RBFOX1: variants seen among roughly 807,000 people sequenced by gnomAD.
The protein encoded by RBFOX1 is RNA binding protein fox-1 homolog 1.
In RBFOX1, 8 loss-of-function variants were observed where a neutral mutation model predicts 57.7. The ratio of observed to expected loss-of-function variants is 0.14; its 90% CI spans 0.08 to 0.25. RBFOX1 has a LOEUF of 0.25. Among genes scored for constraint, RBFOX1 ranks in the 10% least tolerant of loss-of-function variants. The probability of loss-of-function intolerance (pLI) is 1.00; values close to 1 mark genes in which losing one functional copy is unlikely to be tolerated. For synonymous variants in RBFOX1, 326 were observed against 222.4 expected (o/e 1.47, Z -4.15); for missense variants, 611 against 548.5 (o/e 1.11, Z -1.14).
At chr16:5,513,228 A>G (rs1020952323) in intron 2 of RBFOX1, among the ~76,000 whole-genome samples, 5 of 152,112 alleles carry the variant, frequency 3.3e-5, no homozygotes, top group Admixed American at 2.0e-4. Context: ...CTTGTTTTTA[A>G]TGACCTTGAT....
At chr16:5,304,835 T>TC (rs1249937907) in intron 1 of RBFOX1, among the ~76,000 whole-genome samples, 1 of 151,020 alleles carries the variant, frequency 6.6e-6, no homozygotes, top group African/African-American at 2.4e-5. Flanking sequence ...ATAAAGTGAT[T>TC]TTTTTCCCCC....
intron 1 of RBFOX1, among the ~76,000 whole-genome samples, chr16:5,388,843 C>G (rs774885816): frequency 6.6e-6 from 1 of 151,534 alleles, no homozygotes; most frequent in African/African-American, 2.4e-5. Context: ...TCCCAAAGTG[C>G]TGGGATTACA....
intron 4 of RBFOX1, among the ~76,000 whole-genome samples, chr16:7,450,846 C>T (rs552549178): frequency 1.4e-4 from 21 of 152,080 alleles, no homozygotes; most frequent in African/African-American, 2.9e-4. Flanking sequence ...GGATGGCATG[C>T]GACGGGCCCA....
rs371584369 is a variant in RBFOX1, at chr16:5,771,964, G to C, written c.319-95339G>C. 2.0e-5 allele frequency among the ~76,000 whole-genome samples: 3 copies of C among 152,112 alleles called. No homozygotes were observed. In the East Asian group the frequency reaches 5.8e-4, roughly 29 times the overall value. On this transcript the variant is annotated intron_variant, in intron 3 of 19. Transcript: ENST00000641259. Reference sequence around the variant, plus strand: ...CGAGGGGGGTGGATCACGAGGTCAGGATTTTGAGACCAGCCTGACCAACAT... The same window carrying C: ...CGAGGGGGGTGGATCACGAGGTCAGCATTTTGAGACCAGCCTGACCAACAT...
chr16:5,527,810 G>T (rs1327418150), intron 2 of RBFOX1, among the ~76,000 whole-genome samples: 1 of 152,150 alleles, frequency 6.6e-6, no homozygotes, highest in South Asian at 2.1e-4. Flanking sequence ...ACCCATCATT[G>T]TGGACCTTTG....
chr16:6,995,467 A>T lies in RBFOX1; in HGVS notation c.-15-56590A>T, dbSNP rs59668769. ...CAAATAATCTTGCTGGTGGTGACAGAAGAGGAAGGCTTTGAAGAGGGGTGT... is the reference window on the plus strand; with the variant it reads ...CAAATAATCTTGCTGGTGGTGACAGTAGAGGAAGGCTTTGAAGAGGGGTGT... On this transcript the variant is annotated intron_variant, in intron 3 of 15. Coordinates refer to ENST00000550418, the MANE Select transcript of RBFOX1 (RefSeq NM_018723.4). Among the ~76,000 whole-genome samples, 22 of 152,218 alleles carry T rather than the reference A, an allele frequency of 1.4e-4. 1 individual carries two copies. In the East Asian group the frequency reaches 4.3e-3, roughly 30 times the overall value.
At chr16:5,643,957 C>T (rs1292773554) in intron 3 of RBFOX1, among the ~76,000 whole-genome samples, 1 of 152,192 alleles carries the variant, frequency 6.6e-6, no homozygotes, top group Non-Finnish European at 1.5e-5. Context: ...TAATTTCTTA[C>T]ATTTGTACCT....
At chr16:6,119,792 G>A (rs1215101819) in intron 1 of RBFOX1, among the ~76,000 whole-genome samples, 2 of 152,128 alleles carry the variant, frequency 1.3e-5, no homozygotes, top group Non-Finnish European at 2.9e-5. Flanking sequence ...AAGTCTCCAT[G>A]TCTGGCCCCA....
chr16:5,975,494 A>G (rs1245424897), intron 4 of RBFOX1, among the ~76,000 whole-genome samples: 1 of 152,222 alleles, frequency 6.6e-6, no homozygotes. Flanking sequence ...CTTATGGTTT[A>G]GTATTGCTTG....
At chr16:6,486,771 T>C (rs2095492420) in intron 2 of RBFOX1, among the ~76,000 whole-genome samples, 1 of 152,190 alleles carries the variant, frequency 6.6e-6, no homozygotes, top group Admixed American at 6.5e-5. Flanking sequence ...TTGCTCTTTT[T>C]GTTTTCTTTC....
intron 1 of RBFOX1, among the ~76,000 whole-genome samples, chr16:5,339,227 A>G (rs981284393): frequency 7.2e-5 from 11 of 151,994 alleles, no homozygotes; most frequent in African/African-American, 2.7e-4. Context: ...TGACTTCCTT[A>G]GATTCCACAT....
At chr16:7,078,863 CTTTTT>C (rs57410575) in intron 4 of RBFOX1, among the ~76,000 whole-genome samples, 5 of 52,738 alleles carry the variant, frequency 9.5e-5, no homozygotes, top group African/African-American at 3.1e-4. Flanking sequence ...ATATATATAC[CTTTTT>C]TTTTTTTTTT....
intron 4 of RBFOX1, among the ~76,000 whole-genome samples, chr16:5,903,947 C>T (rs549289700): frequency 4.6e-5 from 7 of 152,244 alleles, no homozygotes; most frequent in African/African-American, 1.4e-4. Context: ...GCACGTTTTC[C>T]TCTAAGCTGG....
At chr16:7,543,782 A>G (rs2083647914) in intron 5 of RBFOX1, among the ~76,000 whole-genome samples, 1 of 151,484 alleles carries the variant, frequency 6.6e-6, no homozygotes, top group Admixed American at 6.6e-5. Flanking sequence ...GTGCAGTGGC[A>G]CGATCTTGGC....
At chr16:6,671,811 G>A (rs933111719) in intron 3 of RBFOX1, among the ~76,000 whole-genome samples, 1 of 152,126 alleles carries the variant, frequency 6.6e-6, no homozygotes, top group Non-Finnish European at 1.5e-5. Context: ...TTTTTATGAC[G>A]GAGTAGTATT....
Position 7,296,741 on chromosome 16 carries a change from C to T in RBFOX1, c.28-221406C>T, listed in dbSNP as rs537159638. Among the ~76,000 whole-genome samples the T allele has an allele frequency of 2.4e-3, 365 of 152,246 alleles. 1 individual carries two copies. The highest frequency in any genetic ancestry group is 3.8e-3 in the Non-Finnish European group (261 of 68,016). ...TGCAACCGTTTTCAGAGTCCCAGGA[C>T]TCTGGGCCTTTCTTTCGGGTGCAGA... On this transcript the variant is annotated intron_variant, in intron 4 of 15. Coordinates refer to ENST00000550418, the MANE Select transcript of RBFOX1 (RefSeq NM_018723.4).
intron 3 of RBFOX1, among the ~76,000 whole-genome samples, chr16:6,682,870 TA>T (rs33948007): frequency 0.042 from 4,852 of 115,736 alleles, 267 homozygotes; most frequent in African/African-American, 0.13. Context: ...AGAAAAGAAT[TA>T]AAAAAAAAAA....
At chr16:6,813,529 C>A (rs182164183) in intron 3 of RBFOX1, among the ~76,000 whole-genome samples, 5 of 152,244 alleles carry the variant, frequency 3.3e-5, no homozygotes, top group African/African-American at 1.2e-4. Context: ...TCACCTGGTC[C>A]CTAAAGTAGC....
At chr16:6,297,576 G>A (rs2078273730) in intron 1 of RBFOX1, among the ~76,000 whole-genome samples, 1 of 152,100 alleles carries the variant, frequency 6.6e-6, no homozygotes, top group Non-Finnish European at 1.5e-5. Context: ...CTGGGTAGAA[G>A]AGGGCAGTTC....
Sources: allele counts gnomAD v4.1 joint callset (sites outside exome capture counted in the v4.1 genomes callset), GRCh38; gene constraint gnomAD v4.1.1; transcripts MANE v1.5; gene names NCBI Gene and HGNC (gene_info 2026-07-23, HGNC 2026-07-21).